ERBIN: variants seen among roughly 807,000 people sequenced by gnomAD.
ERBIN encodes the protein erbb2 interacting protein.
In ERBIN, 60 loss-of-function variants were observed where a neutral mutation model predicts 158.4. The ratio of observed to expected loss-of-function variants is 0.38; its 90% CI spans 0.31 to 0.47. ERBIN has a LOEUF of 0.47. ERBIN is among the 20% of genes least tolerant of loss of function. The pLI, the probability that ERBIN is intolerant of heterozygous loss-of-function variation, is 0.99. For missense variants in ERBIN, 1,610 were observed against 1,648.0 expected, an observed-to-expected ratio of 0.98 and a Z score of 0.40; for synonymous variants, 594 against 557.2, an observed-to-expected ratio of 1.07 and a Z score of -0.93.
intron 14 of ERBIN, among the ~76,000 whole-genome samples, chr5:66,037,676 G>A (rs1442770306): frequency 6.6e-6 from 1 of 152,060 alleles, no homozygotes; most frequent in Non-Finnish European, 1.5e-5. Context: ...GGAGAATTGG[G>A]TAGTTCTCTG....
At chr5:66,029,313 T>TA (rs1756600949) in intron 14 of ERBIN, among the ~76,000 whole-genome samples, 1 of 152,330 alleles carries the variant, frequency 6.6e-6, no homozygotes, top group South Asian at 2.1e-4. Context: ...TCTTTTGAAT[T>TA]AAAAAATTAA....
chr5:65,941,345 TAAC>T (rs56208513), intron 1 of ERBIN, among the ~76,000 whole-genome samples: 105,263 of 143,366 alleles, frequency 0.73, 40,290 homozygotes, highest in Non-Finnish European at 0.86. Context: ...ACAATACAAA[TAAC>T]AACAATATAG....
At chr5:66,032,713 A>G (rs1757010208) in intron 14 of ERBIN, among the ~76,000 whole-genome samples, 1 of 152,210 alleles carries the variant, frequency 6.6e-6, no homozygotes, top group South Asian at 2.1e-4. Flanking sequence ...GGACATTGTC[A>G]TACTCTAGGC....
chr5:66,026,397 C>G lies in ERBIN; in HGVS notation c.1116C>G (p.Val372=). The change falls in exon 13 of 26, where the codon GTC becomes GTG. Residue 372 remains valine (V), a synonymous_variant. Transcript: ENST00000284037. ...EEMGDMQKLK[V]INLSDNRLKN... ...TGGGTGATATGCAAAAATTAAAAGT[C>G]ATTAATTTAAGTGATAATAGGTTCG... 6.3e-7 allele frequency: 1 copy of G among 1,586,846 alleles called. No homozygotes were observed. Among genetic ancestry groups the G allele is most frequent in the Middle Eastern group, 1.7e-4 (1 of 5,982 alleles).
At chr5:66,028,508 T>C (rs936875747) in intron 14 of ERBIN, among the ~76,000 whole-genome samples, 165 bp downstream of exon 14, 30 of 152,212 alleles carry the variant, frequency 2.0e-4, no homozygotes, top group African/African-American at 7.2e-4. Flanking sequence ...AGATACTTTT[T>C]ATAAAATAGG....
chr5:66,016,033 A>G (rs992507630), intron 7 of ERBIN, among the ~76,000 whole-genome samples: 3 of 152,200 alleles, frequency 2.0e-5, no homozygotes, highest in Non-Finnish European at 2.9e-5. Context: ...ATGTATGTGC[A>G]TGTGTATCTT....
At chr5:66,068,131 C>T (rs1761189282) in intron 21 of ERBIN, among the ~76,000 whole-genome samples, 1 of 151,738 alleles carries the variant, frequency 6.6e-6, no homozygotes, top group Admixed American at 6.6e-5. Flanking sequence ...AGTTTGAGAC[C>T]ACCCTGGACA....
intron 1 of ERBIN, among the ~76,000 whole-genome samples, chr5:65,932,299 A>ACTGCATTCCAGC (rs1383933563): frequency 6.7e-6 from 1 of 149,560 alleles, no homozygotes; most frequent in East Asian, 2.0e-4. Flanking sequence ...AGATCGCGCC[A>ACTGCATTCCAGC]CTGCATTCCA....
chr5:65,945,838 T>C (rs1467820632), intron 1 of ERBIN, among the ~76,000 whole-genome samples: 2 of 152,222 alleles, frequency 1.3e-5, no homozygotes, highest in Non-Finnish European at 2.9e-5. Flanking sequence ...GAACTACTAC[T>C]GTGAGGTCTT....
intron 2 of ERBIN, among the ~76,000 whole-genome samples, chr5:65,990,718 GCACAGTGC>G (rs1751779041): frequency 6.6e-6 from 1 of 151,928 alleles, no homozygotes; most frequent in Non-Finnish European, 1.5e-5. Context: ...AAAGAACTTA[GCACAGTGC>G]CTGGTATAGA....
intron 15 of ERBIN, among the ~76,000 whole-genome samples, chr5:66,040,124 G>A (rs7706718): frequency 0.058 from 8,774 of 151,794 alleles, 885 homozygotes; most frequent in African/African-American, 0.2. Context: ...AGCACTTTAC[G>A]TATCCGTAAC....
At chr5:65,937,704 C>T (rs1165311987) in intron 1 of ERBIN, among the ~76,000 whole-genome samples, 1 of 152,200 alleles carries the variant, frequency 6.6e-6, no homozygotes, top group Non-Finnish European at 1.5e-5. Flanking sequence ...GTCAGGAGAT[C>T]GAGACCATCC....
chr5:66,082,264 T>C lies in ERBIN; in HGVS notation c.*3734T>C, dbSNP rs1171782935. 1.3e-5 allele frequency: 2 copies of C among 152,182 alleles called. No homozygotes were observed. Among genetic ancestry groups the C allele is most frequent in the Non-Finnish European group, 2.9e-5 (2 of 68,018 alleles). 9.4% of individuals were successfully genotyped at this position (152,182 alleles called of 1,614,324 possible). ...TTTTTTTTAAGAGAACAACCTAGGT[T>C]TTATTGTAGAGAACAATCAAAATAC... On this transcript the variant is annotated 3_prime_UTR_variant, in exon 26 of 26. Coordinates refer to ENST00000284037, the MANE Select transcript of ERBIN (RefSeq NM_001253697.2).
At chr5:65,949,357 C>T (rs546160463) in intron 1 of ERBIN, among the ~76,000 whole-genome samples, 89 of 152,144 alleles carry the variant, frequency 5.8e-4, no homozygotes, top group African/African-American at 2.0e-3. Context: ...AGTCCCAGTC[C>T]CAGGAAATAT....
At chr5:66,064,398 T>G (rs1170850900) in intron 21 of ERBIN, among the ~76,000 whole-genome samples, 1 of 152,222 alleles carries the variant, frequency 6.6e-6, no homozygotes, top group Non-Finnish European at 1.5e-5. Context: ...CACTGTACAG[T>G]TACCTTGCTA....
chr5:65,985,042 A>T (rs896741089), intron 1 of ERBIN, among the ~76,000 whole-genome samples: 1 of 152,228 alleles, frequency 6.6e-6, no homozygotes, highest in Non-Finnish European at 1.5e-5. Context: ...AATAAGATTG[A>T]CCATGCATTG....
chr5:65,941,897 C>T (rs977102371), intron 1 of ERBIN, among the ~76,000 whole-genome samples: 2 of 152,076 alleles, frequency 1.3e-5, no homozygotes, highest in Admixed American at 6.6e-5. Flanking sequence ...CCCGCCGCCA[C>T]GCCTGGCTAA....
chr5:65,979,945 A>G (rs1031108672), intron 1 of ERBIN, among the ~76,000 whole-genome samples: 10 of 152,244 alleles, frequency 6.6e-5, no homozygotes, highest in African/African-American at 2.2e-4. Context: ...TACTTAGGTT[A>G]TATGTGAAAT....
chr5:65,980,679 C>T (rs935590666), intron 1 of ERBIN, among the ~76,000 whole-genome samples: 2 of 151,604 alleles, frequency 1.3e-5, no homozygotes, highest in East Asian at 1.9e-4. Flanking sequence ...CTATGACTAT[C>T]GTGACATCAG....
Sources: gnomAD v4.1 joint callset for allele counts (sites outside exome capture counted in the v4.1 genomes callset) on GRCh38, gnomAD v4.1.1 for gene constraint, MANE v1.5 for transcripts, NCBI Gene and HGNC (gene_info 2026-07-23, HGNC 2026-07-21) for gene names.